DYNC1I1: variants seen among roughly 807,000 people sequenced by gnomAD.
The protein encoded by DYNC1I1 is cytoplasmic dynein 1 intermediate chain 1.
DYNC1I1 carries 43 observed loss-of-function variants against 86.6 expected under a neutral mutation model. The ratio of observed to expected loss-of-function variants is 0.50; its 90% CI spans 0.39 to 0.64. The LOEUF is 0.64. DYNC1I1 is among the 30% of genes least tolerant of loss of function. The pLI, the probability that DYNC1I1 is intolerant of heterozygous loss-of-function variation, is 0.00. For synonymous variants in DYNC1I1, 262 were observed against 283.7 expected (o/e 0.92, Z 0.77); for missense variants, 604 against 788.8 (o/e 0.77, Z 2.81).
intron 14 of DYNC1I1, among the ~76,000 whole-genome samples, chr7:96,054,411 A>G (rs1789508795): frequency 6.6e-6 from 1 of 152,188 alleles, no homozygotes; most frequent in Non-Finnish European, 1.5e-5. Context: ...GTTGGTTCCA[A>G]GTCTTTGCTA....
chr7:95,817,982 G>A (rs1217432907), intron 4 of DYNC1I1, among the ~76,000 whole-genome samples: 1 of 152,184 alleles, frequency 6.6e-6, no homozygotes, highest in Admixed American at 6.5e-5. Context: ...AGTTCAGCTG[G>A]ACACCACAGT....
At chr7:95,946,048 A>C (rs1239398300) in intron 6 of DYNC1I1, among the ~76,000 whole-genome samples, 1 of 152,122 alleles carries the variant, frequency 6.6e-6, no homozygotes, top group Non-Finnish European at 1.5e-5. Context: ...AAACTAACAC[A>C]GGAACAGAAT....
chr7:96,031,943 G>C (rs1256181401), intron 11 of DYNC1I1, among the ~76,000 whole-genome samples: 1 of 152,128 alleles, frequency 6.6e-6, no homozygotes. Context: ...GTATGACAGA[G>C]GGTTACAACA....
At chr7:96,035,142 G>T (rs377526030) in intron 12 of DYNC1I1, among the ~76,000 whole-genome samples, 1 of 152,140 alleles carries the variant, frequency 6.6e-6, no homozygotes, top group Admixed American at 6.6e-5. Context: ...TTGAAATCTG[G>T]TTTTTATGAC....
At chr7:96,071,722 T>C (rs75684715) in intron 14 of DYNC1I1, among the ~76,000 whole-genome samples, 9,924 of 152,254 alleles carry the variant, frequency 0.065, 493 homozygotes, top group African/African-American at 0.14. Context: ...CTTGCAAATA[T>C]ATAGATAACA....
At chr7:96,092,429 A>C (rs371155208) in intron 16 of DYNC1I1, among the ~76,000 whole-genome samples, 3 of 152,194 alleles carry the variant, frequency 2.0e-5, no homozygotes, top group East Asian at 1.9e-4. Flanking sequence ...AAAGATCAGA[A>C]GTGTTAAAAC....
intron 9 of DYNC1I1, 48 bp downstream of exon 9, chr7:95,987,203 G>A (rs1232349043): frequency 1.3e-6 from 2 of 1,498,194 alleles, no homozygotes; most frequent in African/African-American, 1.4e-5. Flanking sequence ...TGTTCTCGTG[G>A]CATTTGTATA....
chr7:95,890,091 C>T (rs1790697442), intron 6 of DYNC1I1, among the ~76,000 whole-genome samples: 1 of 152,062 alleles, frequency 6.6e-6, no homozygotes, highest in South Asian at 2.1e-4. Context: ...ACTGATATAT[C>T]TGATGTAATA....
intron 15 of DYNC1I1, among the ~76,000 whole-genome samples, chr7:96,078,425 A>G (rs942019785): frequency 2.6e-5 from 4 of 152,152 alleles, no homozygotes; most frequent in African/African-American, 4.8e-5. Flanking sequence ...TAATGCAAAT[A>G]TATTTTGTCA....
At chr7:95,842,149 A>G (rs991791535) in intron 5 of DYNC1I1, among the ~76,000 whole-genome samples, 1 of 152,160 alleles carries the variant, frequency 6.6e-6, no homozygotes, top group African/African-American at 2.4e-5. Context: ...GAGAGTGAGA[A>G]TATGTCTCAG....
At chr7:96,023,961 G>C (rs775977041) in intron 10 of DYNC1I1, among the ~76,000 whole-genome samples, 2 of 152,136 alleles carry the variant, frequency 1.3e-5, no homozygotes, top group Admixed American at 6.5e-5. Flanking sequence ...ATCAAAATGT[G>C]ATGCTTGCCC....
chr7:95,811,593 A>G (rs1359315952), intron 3 of DYNC1I1, among the ~76,000 whole-genome samples: 1 of 152,174 alleles, frequency 6.6e-6, no homozygotes, highest in African/African-American at 2.4e-5. Flanking sequence ...CAAAACTAAA[A>G]CACTATTAAA....
At chr7:95,952,461 G>T (rs896540788) in intron 6 of DYNC1I1, among the ~76,000 whole-genome samples, 1 of 152,072 alleles carries the variant, frequency 6.6e-6, no homozygotes, top group African/African-American at 2.4e-5. Flanking sequence ...AGACTAAGAC[G>T]TAGATTTAAG....
At chr7:96,017,282 C>G (rs958269167) in intron 10 of DYNC1I1, among the ~76,000 whole-genome samples, 17 of 152,146 alleles carry the variant, frequency 1.1e-4, no homozygotes, top group African/African-American at 4.1e-4. Flanking sequence ...ACCATATATT[C>G]ATCTTCATCT....
intron 6 of DYNC1I1, among the ~76,000 whole-genome samples, chr7:95,962,582 G>A (rs1792898848): frequency 2.8e-5 from 2 of 71,168 alleles, no homozygotes; most frequent in South Asian, 5.9e-4. Context: ...TAACTAACAC[G>A]TTATAGCCTT....
intron 6 of DYNC1I1, among the ~76,000 whole-genome samples, chr7:95,921,846 G>A (rs536286943): frequency 1.8e-4 from 28 of 152,290 alleles, no homozygotes; most frequent in Non-Finnish European, 3.7e-4. Flanking sequence ...TTCTTTGAAA[G>A]AATAGTTTAG....
intron 5 of DYNC1I1, among the ~76,000 whole-genome samples, chr7:95,850,979 T>C (rs1251942166): frequency 6.6e-6 from 1 of 152,140 alleles, no homozygotes; most frequent in East Asian, 1.9e-4. Context: ...GGTCTCACTC[T>C]GTCACCCAGG....
At position 95,980,644 on chromosome 7, in the gene DYNC1I1, C is replaced by T. The variant is rs542438109; in HGVS notation, c.580+3043C>T. On this transcript the variant is annotated intron_variant, in intron 7 of 16. Transcript: ENST00000447467. ...CACTAACTTTTGACATTTTTGCCCA[C>T]GTGACATCAAAGTGCATTAAACACT... Among the ~76,000 whole-genome samples, 933 of 147,710 alleles carry T rather than the reference C, an allele frequency of 6.3e-3. 5 individuals carry two copies. The highest frequency in any genetic ancestry group is 0.014 in the Middle Eastern group (4 of 280).
chr7:95,885,015 A>C (rs1469936425), intron 6 of DYNC1I1, among the ~76,000 whole-genome samples: 1 of 152,230 alleles, frequency 6.6e-6, no homozygotes, highest in African/African-American at 2.4e-5. Context: ...TACCATTTGC[A>C]TGTATTCTAA....
Sources: allele counts gnomAD v4.1 joint callset (sites outside exome capture counted in the v4.1 genomes callset), GRCh38; gene constraint gnomAD v4.1.1; transcripts MANE v1.5; gene names NCBI Gene and HGNC (gene_info 2026-07-23, HGNC 2026-07-21).